The following CEP76 variants were observed in gnomAD, a reference collection of about 807,000 sequenced individuals.
The protein encoded by CEP76 is centrosomal protein of 76 kDa.
CEP76 carries 55 observed loss-of-function variants against 83.3 expected under a neutral mutation model. The observed-to-expected ratio is 0.66, with a 90% CI of 0.53 to 0.83. The LOEUF is 0.83. CEP76 is among the 40% of genes least tolerant of loss of function. The pLI is 0.00. For synonymous variants in CEP76, 270 were observed against 274.5 expected, an observed-to-expected ratio of 0.98 and a Z score of 0.16; for missense variants, 694 against 799.5, an observed-to-expected ratio of 0.87 and a Z score of 1.59.
intron 12 of CEP76, among the ~76,000 whole-genome samples, chr18:12,667,613 T>C (rs1200027219): frequency 1.3e-5 from 2 of 151,152 alleles, no homozygotes; most frequent in African/African-American, 4.9e-5. Context: ...ATACAAAAAT[T>C]AGCCGGGCGT....
intron 12 of CEP76, among the ~76,000 whole-genome samples, chr18:12,663,092 T>C (rs1479308234): frequency 2.0e-5 from 3 of 152,206 alleles, no homozygotes; most frequent in Non-Finnish European, 2.9e-5. Flanking sequence ...AGCCTGCAAA[T>C]GTTAAGTGAC....
chr18:12,702,649 A>C lies in CEP76; in HGVS notation c.-101T>G. ...AGCGTTAGGAGCGACTGGAGCACAA[A>C]GCGCCGCAGCCGTTCGCCTAGCGCA... On this transcript the variant is annotated 5_prime_UTR_variant, in exon 1 of 12. Transcript: ENST00000262127. 1 of 1,335,932 alleles carries C rather than the reference A, an allele frequency of 7.5e-7. No individual in the cohort carries two copies. The highest frequency in any genetic ancestry group is 1.0e-6 in the Non-Finnish European group (1 of 989,894). 82.8% of individuals were successfully genotyped at this position (1,335,932 alleles called of 1,614,324 possible). A position where few individuals can be genotyped will look rare whatever the true frequency, so the allele number is the denominator to read the frequency against.
intron 8 of CEP76, chr18:12,685,559 G>C (rs1568020259): frequency 6.6e-6 from 1 of 152,056 alleles, no homozygotes; most frequent in Non-Finnish European, 1.5e-5. Context: ...TGGTCAAGCT[G>C]ATAGCACCCC....
intron 4 of CEP76, among the ~76,000 whole-genome samples, chr18:12,698,394 C>T (rs1396132267): frequency 2.0e-5 from 3 of 152,076 alleles, no homozygotes; most frequent in Non-Finnish European, 4.4e-5. Context: ...GTCTCAAACT[C>T]CTGACCTCAG....
intron 12 of CEP76, among the ~76,000 whole-genome samples, chr18:12,662,460 T>C (rs1201558752): frequency 1.3e-5 from 2 of 152,204 alleles, no homozygotes; most frequent in East Asian, 3.8e-4. Flanking sequence ...ACAATGTCCA[T>C]GTACACTCAC....
chr18:12,688,545 C>T (rs1311666181), intron 7 of CEP76, among the ~76,000 whole-genome samples: 1 of 152,106 alleles, frequency 6.6e-6, no homozygotes, highest in African/African-American at 2.4e-5. Flanking sequence ...ATAGTAGCAT[C>T]TTAGAATGTA....
chr18:12,679,270 C>T (rs957945446), intron 9 of CEP76: 7 of 152,166 alleles, frequency 4.6e-5, no homozygotes, highest in African/African-American at 1.7e-4. Context: ...GAAACTCCAA[C>T]CAGCCTGTGC....
chr18:12,667,504 G>A (rs2038826136), intron 12 of CEP76, among the ~76,000 whole-genome samples: 1 of 152,160 alleles, frequency 6.6e-6, no homozygotes, highest in African/African-American at 2.4e-5. Context: ...GCTCATGCCT[G>A]CAATCCCAGC....
chr18:12,674,813 A>G, intron 10 of CEP76, 60 bp from the exon 11 acceptor site: 2 of 1,064,544 alleles, frequency 1.9e-6, no homozygotes, highest in East Asian at 2.6e-5. Context: ...AAAACCAACT[A>G]AATAAAAATG....
chr18:12,674,265 C>T (rs2039039651), intron 11 of CEP76, among the ~76,000 whole-genome samples: 1 of 151,780 alleles, frequency 6.6e-6, no homozygotes, highest in Admixed American at 6.6e-5. Context: ...AGGAAGACCC[C>T]CATCTCTACA....
At chr18:12,680,912 T>G (rs914462817) in intron 8 of CEP76, 84 bp from the exon 9 acceptor site, 1 of 1,276,388 alleles carries the variant, frequency 7.8e-7, no homozygotes, top group Non-Finnish European at 1.1e-6. Flanking sequence ...TAATAAAAAT[T>G]TATTGGCTGG....
intron 7 of CEP76, among the ~76,000 whole-genome samples, chr18:12,690,330 AAACTT>A (rs758905459): frequency 7.2e-5 from 11 of 152,216 alleles, no homozygotes; most frequent in Non-Finnish European, 1.0e-4. Flanking sequence ...AGGATTTGAG[AAACTT>A]AACTTAAAAT....
At position 12,673,280 on chromosome 18, in the gene CEP76, A is replaced by G; in HGVS notation, c.*85T>C. The G allele has an allele frequency of 6.7e-7, 1 of 1,488,740 alleles. No individual in the cohort carries two copies. The highest frequency in any genetic ancestry group is 8.9e-7 in the Non-Finnish European group (1 of 1,125,486). The allele number at this position is 1,488,740 out of a possible 1,614,324, so 92.2% of individuals were successfully genotyped here. On this transcript the variant is annotated 3_prime_UTR_variant, in exon 12 of 12. Transcript: ENST00000262127. ...ATTCAAGCCAGATTGTGATTTTAAAATAACAAACCTCTAAATAGCTAAGTA... is the reference window on the plus strand; with the variant it reads ...ATTCAAGCCAGATTGTGATTTTAAAGTAACAAACCTCTAAATAGCTAAGTA...
At chr18:12,694,135 C>G (rs192219467) in intron 6 of CEP76, among the ~76,000 whole-genome samples, 1 of 152,290 alleles carries the variant, frequency 6.6e-6, no homozygotes, top group East Asian at 1.9e-4. Flanking sequence ...AAAGTTGGTT[C>G]TCACTATGTG....
chr18:12,669,567 A>G (rs961166055), downstream of CEP76, among the ~76,000 whole-genome samples: 4 of 152,164 alleles, frequency 2.6e-5, no homozygotes, highest in East Asian at 1.9e-4. Flanking sequence ...AAAACTACAT[A>G]TATATAATAT....
At chr18:12,664,781 C>T (rs1325337028) in intron 12 of CEP76, among the ~76,000 whole-genome samples, 1 of 151,378 alleles carries the variant, frequency 6.6e-6, no homozygotes, top group Non-Finnish European at 1.5e-5. Context: ...TCAGTGCAAC[C>T]TCTGCCTCCC....
rs891212058 is a variant in CEP76, at chr18:12,694,917, G to A, written c.804+337C>T. ...TTTTTAGTAGAGGCGGGGTTTCACCGTGTTAGCCAGGATGGTCACGATCTC... is the reference window on the plus strand; with the variant it reads ...TTTTTAGTAGAGGCGGGGTTTCACCATGTTAGCCAGGATGGTCACGATCTC... On this transcript the variant is annotated intron_variant, in intron 6 of 11. Coordinates refer to ENST00000262127, the MANE Select transcript of CEP76 (RefSeq NM_024899.4). 1.1e-4 allele frequency among the ~76,000 whole-genome samples: 16 copies of A among 150,882 alleles called. No individual in the cohort carries two copies. The East Asian group carries it at 2.5e-3, about 24-fold the overall frequency.
intron 1 of CEP76, 161 bp downstream of exon 1, chr18:12,702,325 T>C (rs1215991773): frequency 1.7e-6 from 1 of 584,484 alleles, no homozygotes; most frequent in African/African-American, 2.0e-5. Flanking sequence ...GAGGACGCTC[T>C]CCTGCCTCAA....
downstream of CEP76, among the ~76,000 whole-genome samples, chr18:12,668,597 CAAAAAAAAAAAAAA>C (rs752216074): frequency 0.014 from 1,027 of 72,816 alleles, 18 homozygotes; most frequent in Non-Finnish European, 0.019. Flanking sequence ...GATTCCATCT[CAAAAAAAAAAAAAA>C]AAAAAAAAAA....
Sources: gnomAD v4.1 joint callset for allele counts (sites outside exome capture counted in the v4.1 genomes callset) on GRCh38, gnomAD v4.1.1 for gene constraint, MANE v1.5 for transcripts, NCBI Gene and HGNC (gene_info 2026-07-23, HGNC 2026-07-21) for gene names.